UNC45B: variants seen among roughly 807,000 people sequenced by gnomAD.
UNC45B encodes unc-45 myosin chaperone B.
In UNC45B, 78 loss-of-function variants were observed where a neutral mutation model predicts 98.7. The ratio of observed to expected loss-of-function variants is 0.79; its 90% CI spans 0.66 to 0.95. The LOEUF (loss-of-function observed/expected upper bound fraction) is 0.95, where lower values mean the gene tolerates loss of function less well. Among genes scored for constraint, UNC45B ranks in the 40% least tolerant of loss-of-function variants. The pLI is 0.00. For synonymous variants in UNC45B, 462 were observed against 480.4 expected (o/e 0.96, Z 0.50); for missense variants, 1,225 against 1,184.9 (o/e 1.03, Z -0.50).
intron 7 of UNC45B, among the ~76,000 whole-genome samples, chr17:35,157,524 G>C (rs2092072522): frequency 6.6e-6 from 1 of 152,076 alleles, no homozygotes; most frequent in Non-Finnish European, 1.5e-5. Flanking sequence ...ATTTCCTGGG[G>C]TCAAATTCCT....
chr17:35,149,057 A>T (rs765733106), intron 3 of UNC45B, 48 bp downstream of exon 3: 1 of 1,610,256 alleles, frequency 6.2e-7, no homozygotes, highest in Non-Finnish European at 8.5e-7. Context: ...TCTCCTCTGC[A>T]TGGCCTGGGT....
At chr17:35,169,970 T>C (rs2142567740) in intron 11 of UNC45B, 39 bp downstream of exon 11, 1 of 1,613,372 alleles carries the variant, frequency 6.2e-7, no homozygotes, top group Non-Finnish European at 8.5e-7. Flanking sequence ...CATCTCCTCA[T>C]GCGCCTTCCG....
rs201313546 is a variant in UNC45B, at chr17:35,180,600, A to G, written c.2297A>G (p.Asn766Ser). The G allele has an allele frequency of 1.2e-4, 190 of 1,614,008 alleles. No individual in the cohort carries two copies. The highest frequency in any genetic ancestry group is 1.6e-4 in the Non-Finnish European group (184 of 1,179,970). Residue 766 changes from asparagine (N) to serine (S), a missense_variant, in exon 18 of 20, where the codon AAC (asparagine) becomes AGC (serine). Coordinates refer to ENST00000394570, the MANE Select transcript of UNC45B (RefSeq NM_001267052.2). ...FKERALPDIENYMFENHDQLR... is the reference protein window; with the variant it reads ...FKERALPDIESYMFENHDQLR... ...GAGAGGGCCTTGCCAGACATCGAGA[A>G]CTACATGTTTGAGAATCATGATCAG...
In UNC45B at chr17:35,186,351, C is replaced by T; in HGVS notation, c.2582C>T (p.Ser861Phe). 1 of 1,614,186 alleles carries T rather than the reference C, an allele frequency of 6.2e-7. No individual in the cohort carries two copies. The highest frequency in any genetic ancestry group is 8.5e-7 in the Non-Finnish European group (1 of 1,180,026). ...LQRLCLHDQL[S>F]VQHRGLVIAY... is the part of the protein sequence containing the mutation. ...CGGCTTTGCCTGCACGACCAGCTGT[C>T]TGTCCAACACCGGGGCCTGGTCATT... Residue 861 changes from serine to phenylalanine, a missense_variant, in exon 20 of 20, where the codon TCT becomes TTT. Ser to Phe is a radical substitution (Grantham distance 155, BLOSUM62 -2). Coordinates refer to ENST00000394570, the MANE Select transcript of UNC45B (RefSeq NM_001267052.2).
At chr17:35,178,984 C>T (rs2092255382) in intron 17 of UNC45B, among the ~76,000 whole-genome samples, 1 of 152,090 alleles carries the variant, frequency 6.6e-6, no homozygotes, top group African/African-American at 2.4e-5. Flanking sequence ...ATACCTGACC[C>T]TGATGATGCC....
chr17:35,186,171 A>G, intron 19 of UNC45B, 128 bp from the exon 20 acceptor site: 2 of 1,220,778 alleles, frequency 1.6e-6, no homozygotes, highest in South Asian at 3.0e-5. Flanking sequence ...AATTCCTCTT[A>G]ATGACCTAAT....
chr17:35,180,091 AG>A (rs2092263049), intron 17 of UNC45B, among the ~76,000 whole-genome samples: 1 of 152,146 alleles, frequency 6.6e-6, no homozygotes, highest in African/African-American at 2.4e-5. Flanking sequence ...AACAAGATTC[AG>A]GTGTGGCTTG....
chr17:35,149,476 G>GCAT (rs891415664), intron 3 of UNC45B, among the ~76,000 whole-genome samples: 9 of 152,202 alleles, frequency 5.9e-5, no homozygotes, highest in Non-Finnish European at 1.3e-4. Context: ...GAGTGCAATG[G>GCAT]CATGATCTCA....
rs982357718 is a variant in UNC45B, at chr17:35,187,460, A to T, written c.*901A>T. On this transcript the variant is annotated 3_prime_UTR_variant, in exon 20 of 20. Transcript: ENST00000394570. The stretch of plus-strand genomic sequence containing the variant: ...CATAGTTGTTATAGTTCATTATGGA[A>T]TAGAAGAGAGAAGAGCATTCTCAAT... The T allele has an allele frequency of 6.6e-6, 1 of 152,210 alleles. No individual in the cohort carries two copies. Among genetic ancestry groups the T allele is most frequent in the Non-Finnish European group, 1.5e-5 (1 of 68,050 alleles). The allele number at this position is 152,210 out of a possible 1,614,324, so 9.4% of individuals were successfully genotyped here. A position where few individuals can be genotyped will look rare whatever the true frequency, so the allele number is the denominator to read the frequency against.
intron 19 of UNC45B, 121 bp from the exon 20 acceptor site, chr17:35,186,178 T>G (rs2092302078): frequency 7.7e-7 from 1 of 1,306,848 alleles, no homozygotes; most frequent in Non-Finnish European, 1.1e-6. Context: ...CTTAATGACC[T>G]AATTACCTCT....
intron 10 of UNC45B, among the ~76,000 whole-genome samples, chr17:35,169,180 C>T (rs2092164364): frequency 6.6e-6 from 1 of 151,968 alleles, no homozygotes; most frequent in East Asian, 1.9e-4. Context: ...GCTGGGATTA[C>T]AGATGCCTGC....
chr17:35,180,711 GA>G, intron 18 of UNC45B, 35 bp downstream of exon 18: 1 of 1,570,892 alleles, frequency 6.4e-7, no homozygotes, highest in Admixed American at 1.7e-5. Flanking sequence ...ACCCGGGCGT[GA>G]TCAAGGCACG....
chr17:35,170,264 C>T lies in UNC45B; in HGVS notation c.1689+9C>T, dbSNP rs371718231. 28 of 1,598,298 alleles carry T rather than the reference C, an allele frequency of 1.8e-5. No individual in the cohort carries two copies. Among genetic ancestry groups the T allele is most frequent in the Non-Finnish European group, 2.1e-5 (24 of 1,169,632 alleles). On this transcript the variant is annotated intron_variant, in intron 12 of 19. Coordinates refer to ENST00000394570, the MANE Select transcript of UNC45B (RefSeq NM_001267052.2). ...TGTTTGAGCTGGCCAAGGCAGGTGT[C>T]GGGGAGTCTGGCCCGACCACAAACC...
Position 35,147,843 on chromosome 17 carries a change from G to A in UNC45B, c.-68G>A. 1 of 158,054 alleles carries A rather than the reference G, an allele frequency of 6.3e-6. No individual in the cohort carries two copies. Among genetic ancestry groups the A allele is most frequent in the Non-Finnish European group, 1.4e-5 (1 of 71,882 alleles). The allele number at this position is 158,054 out of a possible 1,614,324, so 9.8% of individuals were successfully genotyped here. The stretch of plus-strand genomic sequence containing the variant: ...GACTGAGGCTGGCTGGCTGGAGGTT[G>A]ACACAGGAGTGCTCAGGGGAGCAGC... On this transcript the variant is annotated 5_prime_UTR_variant, in exon 1 of 20. Coordinates refer to ENST00000394570, the MANE Select transcript of UNC45B (RefSeq NM_001267052.2).
chr17:35,168,344 A>G lies in UNC45B; in HGVS notation c.1435A>G (p.Lys479Glu). ...IYKTTKNEKIKIRTLVGLCKL... is the reference protein window; with the variant it reads ...IYKTTKNEKIEIRTLVGLCKL... ...CAAGACCACCAAAAATGAGAAGATC[A>G]AGATCCGCACACTGGTGGTGAGTGG... Residue 479 changes from lysine to glutamate, a missense_variant, in exon 10 of 20, where the codon AAG becomes GAG. By Grantham distance (56) the Lys-to-Glu change is moderately conservative. Transcript: ENST00000394570. 1 of 1,371,502 alleles carries G rather than the reference A, an allele frequency of 7.3e-7. No individual in the cohort carries two copies. Among genetic ancestry groups the G allele is most frequent in the Non-Finnish European group, 9.5e-7 (1 of 1,051,306 alleles). The allele number at this position is 1,371,502 out of a possible 1,614,324, so 85.0% of individuals were successfully genotyped here. A position where few individuals can be genotyped will look rare whatever the true frequency, so the allele number is the denominator to read the frequency against.
intron 4 of UNC45B, among the ~76,000 whole-genome samples, chr17:35,150,767 C>G (rs1019035923): frequency 6.6e-6 from 1 of 151,310 alleles, no homozygotes; most frequent in African/African-American, 2.4e-5. Flanking sequence ...CCCCGCCCCC[C>G]CCAAAAAAAT....
chr17:35,187,255 G>A lies in UNC45B; in HGVS notation c.*696G>A, dbSNP rs2092309152. 6.6e-6 allele frequency: 1 copy of A among 152,218 alleles called. No individual in the cohort carries two copies. The highest frequency in any genetic ancestry group is 6.5e-5 in the Admixed American group (1 of 15,274). 9.4% of individuals were successfully genotyped at this position (152,218 alleles called of 1,614,324 possible). ...GGCTCATGTATCTTGGCCACCCAGG[G>A]AAGGTCTGACATTGTTAGTTAGATC... On this transcript the variant is annotated 3_prime_UTR_variant, in exon 20 of 20. Transcript: ENST00000394570.
intron 18 of UNC45B, 60 bp from the exon 19 acceptor site, chr17:35,183,367 C>G: frequency 7.0e-7 from 1 of 1,437,774 alleles, no homozygotes; most frequent in Non-Finnish European, 9.2e-7. Context: ...GTATCTTTCC[C>G]TCTTCAGGCT....
In UNC45B at chr17:35,150,028, C is replaced by A. The variant is rs755979436; in HGVS notation, c.206-20C>A. The A allele has an allele frequency of 6.4e-7, 1 of 1,572,090 alleles. No homozygotes were observed. Among genetic ancestry groups the A allele is most frequent in the African/African-American group, 1.3e-5 (1 of 74,152 alleles). ...TAGTCTGGCTCCCTAAGGTCCTCAT[C>A]CCCCGTCTCCCCTCGATAGCCATCG... On this transcript the variant is annotated intron_variant, in intron 3 of 19. Transcript: ENST00000394570.
Sources: gnomAD v4.1 joint callset for allele counts (sites outside exome capture counted in the v4.1 genomes callset) on GRCh38, gnomAD v4.1.1 for gene constraint, MANE v1.5 for transcripts, NCBI Gene and HGNC (gene_info 2026-07-23, HGNC 2026-07-21) for gene names.